CDH2: variants seen among roughly 807,000 people sequenced by gnomAD.
The protein encoded by CDH2 is cadherin-2.
Under a neutral mutation model 92.0 loss-of-function variants are expected in CDH2, and 17 were observed. The ratio of observed to expected loss-of-function variants is 0.18; its 90% CI spans 0.13 to 0.28. The LOEUF is 0.28. CDH2 is among the 10% of genes least tolerant of loss of function. CDH2 has a pLI of 1.00. For missense variants in CDH2, 862 were observed against 1,133.1 expected (o/e 0.76, Z 3.44); for synonymous variants, 419 against 415.9 (o/e 1.01, Z -0.09).
intron 5 of CDH2, among the ~76,000 whole-genome samples, chr18:28,008,434 A>G (rs1032913814): frequency 6.6e-6 from 1 of 152,216 alleles, no homozygotes; most frequent in Non-Finnish European, 1.5e-5. Flanking sequence ...TACTCAGTGC[A>G]TAAGACATTT....
chr18:28,051,352 C>A (rs1008765532), intron 2 of CDH2, among the ~76,000 whole-genome samples: 2 of 151,998 alleles, frequency 1.3e-5, no homozygotes, highest in African/African-American at 4.8e-5. Flanking sequence ...GTAACAATGA[C>A]CTTGGGAAAA....
intron 2 of CDH2, among the ~76,000 whole-genome samples, chr18:28,110,552 TTCTGC>T (rs2015394497): frequency 6.6e-6 from 1 of 152,138 alleles, no homozygotes; most frequent in Non-Finnish European, 1.5e-5. Context: ...AACGACTCTG[TTCTGC>T]AAGCTACTGG....
intron 2 of CDH2, among the ~76,000 whole-genome samples, chr18:28,071,377 G>A (rs994599294): frequency 6.6e-6 from 1 of 152,016 alleles, no homozygotes; most frequent in African/African-American, 2.4e-5. Context: ...TCTGCTCCTT[G>A]GAGATGAAGC....
intron 2 of CDH2, among the ~76,000 whole-genome samples, chr18:28,113,158 CA>C (rs1347937230): frequency 6.6e-6 from 1 of 151,912 alleles, no homozygotes; most frequent in Non-Finnish European, 1.5e-5. Flanking sequence ...AGGTAAGCTG[CA>C]AGTGTAATTT....
intron 14 of CDH2, among the ~76,000 whole-genome samples, chr18:27,967,840 T>C (rs922714074): frequency 2.0e-5 from 3 of 152,172 alleles, no homozygotes; most frequent in African/African-American, 4.8e-5. Context: ...TATAATTAGT[T>C]TGGAAAATGA....
chr18:28,004,980 G>T (rs769600452), intron 6 of CDH2, among the ~76,000 whole-genome samples: 12 of 152,076 alleles, frequency 7.9e-5, no homozygotes, highest in Non-Finnish European at 1.3e-4. Flanking sequence ...AATGACAAAG[G>T]TATTATGCAG....
intron 11 of CDH2, among the ~76,000 whole-genome samples, chr18:27,988,150 T>C (rs1486077175): frequency 2.0e-5 from 3 of 151,974 alleles, no homozygotes; most frequent in Non-Finnish European, 4.4e-5. Context: ...CAGAGAATTA[T>C]AAAAAGGAAG....
intron 15 of CDH2, among the ~76,000 whole-genome samples, chr18:27,962,556 T>C (rs1243010342): frequency 1.3e-5 from 2 of 152,182 alleles, no homozygotes; most frequent in African/African-American, 2.4e-5. Context: ...CCTATTCTGA[T>C]CTTGGAGACA....
At chr18:28,089,848 C>T (rs1415260052) in intron 2 of CDH2, among the ~76,000 whole-genome samples, 2 of 152,162 alleles carry the variant, frequency 1.3e-5, no homozygotes, top group Admixed American at 1.3e-4. Flanking sequence ...GCCAGGAATA[C>T]AGAGGTAAAC....
chr18:28,090,304 A>C (rs1233912615), intron 2 of CDH2, among the ~76,000 whole-genome samples: 1 of 152,168 alleles, frequency 6.6e-6, no homozygotes, highest in African/African-American at 2.4e-5. Flanking sequence ...AATTTGTCTC[A>C]CAGTGACAAA....
intron 2 of CDH2, among the ~76,000 whole-genome samples, chr18:28,076,388 TGTTA>T (rs1207349850): frequency 3.9e-5 from 6 of 152,178 alleles, no homozygotes; most frequent in Admixed American, 3.9e-4. Flanking sequence ...TATTCTAATC[TGTTA>T]GATAGAGACT....
At chr18:28,080,374 C>T (rs1017070733) in intron 2 of CDH2, among the ~76,000 whole-genome samples, 1 of 152,024 alleles carries the variant, frequency 6.6e-6, no homozygotes, top group Non-Finnish European at 1.5e-5. Flanking sequence ...ATTAAAATTC[C>T]ACAGAAATTA....
At chr18:28,022,850 A>T (rs184595198) in intron 2 of CDH2, among the ~76,000 whole-genome samples, 1 of 152,072 alleles carries the variant, frequency 6.6e-6, no homozygotes, top group African/African-American at 2.4e-5. Context: ...CTTTTGCTTT[A>T]TATCTATAAA....
At chr18:27,936,070 A>G (rs1221539172) in intron 6 of CDH2, among the ~76,000 whole-genome samples, 1 of 152,126 alleles carries the variant, frequency 6.6e-6, no homozygotes, top group Non-Finnish European at 1.5e-5. Context: ...TATGTTTTTC[A>G]TTTCACTTCT....
intron 5 of CDH2, among the ~76,000 whole-genome samples, chr18:28,008,736 G>C (rs2013012777): frequency 6.7e-6 from 1 of 149,748 alleles, no homozygotes; most frequent in Non-Finnish European, 1.5e-5. Context: ...AGAACTTAAA[G>C]TATAATATAA....
chr18:27,978,369 C>T (rs370792944), intron 14 of CDH2, among the ~76,000 whole-genome samples: 7 of 152,012 alleles, frequency 4.6e-5, no homozygotes, highest in Admixed American at 6.6e-5. Context: ...CAGGTAGTAC[C>T]GCATAGAACA....
At chr18:27,957,867 CA>C (rs970017216) in intron 15 of CDH2, among the ~76,000 whole-genome samples, 2 of 152,114 alleles carry the variant, frequency 1.3e-5, no homozygotes, top group Non-Finnish European at 2.9e-5. Context: ...CTGGGAATTT[CA>C]TTTTACTTAA....
At chr18:27,949,324 CATTCTTTA>C (rs1188293930), downstream of CDH2, among the ~76,000 whole-genome samples, 3 of 151,996 alleles carry the variant, frequency 2.0e-5, no homozygotes, top group Admixed American at 1.3e-4. Flanking sequence ...CTTATCTCCA[CATTCTTTA>C]ATCCAGCAAT....
chr18:28,070,027 T>A (rs1257098295), intron 2 of CDH2, among the ~76,000 whole-genome samples: 1 of 152,072 alleles, frequency 6.6e-6, no homozygotes, highest in East Asian at 1.9e-4. Context: ...ATCAATAGAC[T>A]AGGAAACACG....
Sources: gnomAD v4.1 joint callset for allele counts (sites outside exome capture counted in the v4.1 genomes callset) on GRCh38, gnomAD v4.1.1 for gene constraint, MANE v1.5 for transcripts, NCBI Gene and HGNC (gene_info 2026-07-23, HGNC 2026-07-21) for gene names.